Variants in RASGRP3 observed in about 807,000 individuals in gnomAD.
RASGRP3 encodes the protein ras guanyl-releasing protein 3.
In RASGRP3, 54 loss-of-function variants were observed where a neutral mutation model predicts 82.7. That is an observed-to-expected ratio of 0.65 (90% CI 0.52 to 0.82). The LOEUF is 0.82. RASGRP3 is among the 40% of genes least tolerant of loss of function. The pLI, the probability that RASGRP3 is intolerant of heterozygous loss-of-function variation, is 0.00. For synonymous variants in RASGRP3, 309 were observed against 300.5 expected, an observed-to-expected ratio of 1.03 and a Z score of -0.29; for missense variants, 861 against 828.9, an observed-to-expected ratio of 1.04 and a Z score of -0.48.
intron 15 of RASGRP3, among the ~76,000 whole-genome samples, chr2:33,556,928 C>CACATATACAT (rs1553366467): frequency 1.3e-5 from 2 of 148,306 alleles, no homozygotes; most frequent in African/African-American, 5.0e-5. Flanking sequence ...CACACACACA[C>CACATATACAT]GCAATTTTAT....
intron 1 of RASGRP3, among the ~76,000 whole-genome samples, chr2:33,502,264 G>A (rs1422706207): frequency 6.6e-6 from 1 of 152,122 alleles, no homozygotes; most frequent in Non-Finnish European, 1.5e-5. Context: ...CTGGTGAAGA[G>A]AGAAGAAAGG....
intron 2 of RASGRP3, among the ~76,000 whole-genome samples, chr2:33,470,588 C>T (rs148216722): frequency 0.028 from 4,219 of 152,018 alleles, 92 homozygotes; most frequent in Middle Eastern, 0.071. Context: ...ACCGTGTTAG[C>T]CAGGATAGTC....
At chr2:33,533,388 C>A (rs13411635) in intron 10 of RASGRP3, 1 of 152,024 alleles carries the variant, frequency 6.6e-6, no homozygotes, top group Non-Finnish European at 1.5e-5. Flanking sequence ...TTTCTGTCTC[C>A]GGGGCCCCTA....
rs930651890 is a variant in RASGRP3 at position 33,542,664 on chromosome 2, C to G, written c.1279-848C>G. Among the ~76,000 whole-genome samples, 5 of 146,382 alleles carry G rather than the reference C, an allele frequency of 3.4e-5. 1 individual carries two copies. The highest frequency in any genetic ancestry group is 2.2e-4 in the South Asian group (1 of 4,556). On this transcript the variant is annotated intron_variant, in intron 12 of 17. Transcript: ENST00000403687. ...CTTAATCCACCTCCTCTTTCCCCCC[C>G]CCACCAATATCACTCTATTTTATTT...
At chr2:33,477,602 T>C (rs955212176) in intron 1 of RASGRP3, among the ~76,000 whole-genome samples, 2 of 152,228 alleles carry the variant, frequency 1.3e-5, no homozygotes, top group East Asian at 1.9e-4. Flanking sequence ...TCAGCAGTAA[T>C]GGTGCTTGCG....
chr2:33,526,170 C>T (rs1032057995), intron 9 of RASGRP3, among the ~76,000 whole-genome samples: 2 of 152,114 alleles, frequency 1.3e-5, no homozygotes, highest in East Asian at 1.9e-4. Context: ...TTGGCTTAAC[C>T]CTGAGTTCCT....
At chr2:33,523,602 A>C (rs1276631425) in intron 7 of RASGRP3, among the ~76,000 whole-genome samples, 1 of 152,168 alleles carries the variant, frequency 6.6e-6, no homozygotes, top group African/African-American at 2.4e-5. Flanking sequence ...ACTCATTGGA[A>C]TACAACTTTG....
intron 2 of RASGRP3, among the ~76,000 whole-genome samples, chr2:33,453,900 G>A (rs13396531): frequency 6.6e-6 from 1 of 151,948 alleles, no homozygotes; most frequent in Non-Finnish European, 1.5e-5. Flanking sequence ...AAAAGTGGGG[G>A]TTTTTTTGGG....
intron 9 of RASGRP3, 43 bp from the exon 10 acceptor site, chr2:33,527,094 A>T: frequency 6.2e-7 from 1 of 1,602,854 alleles, no homozygotes; most frequent in Non-Finnish European, 8.5e-7. Flanking sequence ...GGTGTGCAGG[A>T]GGGAAAGTTG....
At chr2:33,466,305 G>A (rs1279689540) in intron 2 of RASGRP3, among the ~76,000 whole-genome samples, 1 of 152,216 alleles carries the variant, frequency 6.6e-6, no homozygotes, top group East Asian at 1.9e-4. Context: ...TTCATGGGAG[G>A]AGGTCCGATT....
intron 17 of RASGRP3, among the ~76,000 whole-genome samples, chr2:33,560,751 C>T (rs905761210): frequency 5.9e-5 from 9 of 152,190 alleles, no homozygotes; most frequent in Admixed American, 2.0e-4. Flanking sequence ...CTCAGGATGG[C>T]GCCCACCTTG....
At chr2:33,536,896 C>A (rs1229536228) in intron 11 of RASGRP3, among the ~76,000 whole-genome samples, 1 of 152,156 alleles carries the variant, frequency 6.6e-6, no homozygotes, top group Non-Finnish European at 1.5e-5. Flanking sequence ...GGCCCCAAGA[C>A]AGCATCTAGG....
At chr2:33,448,711 G>C (rs1413681500) in intron 2 of RASGRP3, among the ~76,000 whole-genome samples, 2 of 151,956 alleles carry the variant, frequency 1.3e-5, no homozygotes, top group Non-Finnish European at 2.9e-5. Context: ...GTTTCTGTTT[G>C]GTGTGATAAA....
At chr2:33,446,034 G>A (rs1270965052) in intron 1 of RASGRP3, among the ~76,000 whole-genome samples, 4 of 152,176 alleles carry the variant, frequency 2.6e-5, no homozygotes, top group Non-Finnish European at 5.9e-5. Flanking sequence ...AGGCTTTTAT[G>A]TCTAATTTTA....
chr2:33,495,680 C>T (rs748040392), intron 1 of RASGRP3, among the ~76,000 whole-genome samples: 3 of 152,100 alleles, frequency 2.0e-5, no homozygotes, highest in Non-Finnish European at 2.9e-5. Flanking sequence ...CTGCTTGAGC[C>T]CAGGAATCTG....
Position 33,552,054 on chromosome 2 carries a change from C to G in RASGRP3, c.1542+2303C>G, listed in dbSNP as rs17013318. Among the ~76,000 whole-genome samples the G allele has an allele frequency of 8.1e-3, 1,228 of 152,292 alleles. 15 individuals are homozygous for G. The highest frequency in any genetic ancestry group is 0.028 in the African/African-American group (1,161 of 41,562). On this transcript the variant is annotated intron_variant, in intron 14 of 17. Coordinates refer to ENST00000403687, the MANE Select transcript of RASGRP3 (RefSeq NM_001139488.2). Reference sequence around the variant, plus strand: ...AGAAACAAACTCAAGATCTTATCTCCGCTCTCTAGTCCTTCTGTCCTGCCC... The same window carrying G: ...AGAAACAAACTCAAGATCTTATCTCGGCTCTCTAGTCCTTCTGTCCTGCCC...
chr2:33,458,317 C>T (rs7578413), intron 2 of RASGRP3, among the ~76,000 whole-genome samples: 26,986 of 152,060 alleles, frequency 0.18, 2,748 homozygotes, highest in East Asian at 0.49. Context: ...ATAATTTTCC[C>T]TTAATTTATA....
chr2:33,518,945 T>A (rs1394171181), intron 4 of RASGRP3, among the ~76,000 whole-genome samples: 1 of 152,230 alleles, frequency 6.6e-6, no homozygotes, highest in East Asian at 1.9e-4. Flanking sequence ...GAGGCTGTTT[T>A]ACAGTTAACT....
At chr2:33,486,924 G>T (rs1427259349) in intron 1 of RASGRP3, among the ~76,000 whole-genome samples, 1 of 152,012 alleles carries the variant, frequency 6.6e-6, no homozygotes, top group African/African-American at 2.4e-5. Context: ...AAGCATGTCG[G>T]TATTTTTGAG....
Sources: allele counts gnomAD v4.1 joint callset (sites outside exome capture counted in the v4.1 genomes callset), GRCh38; gene constraint gnomAD v4.1.1; transcripts MANE v1.5; gene names NCBI Gene and HGNC (gene_info 2026-07-23, HGNC 2026-07-21).